CD96: variants seen among roughly 807,000 people sequenced by gnomAD.
The protein encoded by CD96 is CD96 molecule.
Under a neutral mutation model 71.3 loss-of-function variants are expected in CD96, and 70 were observed. The ratio of observed to expected loss-of-function variants is 0.98; its 90% confidence interval spans 0.81 to 1.20. The LOEUF is 1.20. Among genes scored for constraint, CD96 ranks in the 50% most tolerant of loss-of-function variants. CD96 has a pLI of 0.00. For missense variants in CD96, 742 were observed against 677.5 expected (o/e 1.10, Z -1.06); for synonymous variants, 248 against 233.0 (o/e 1.06, Z -0.59).
At chr3:111,595,066 C>T (rs1255605364) in intron 5 of CD96, 3 of 167,068 alleles carry the variant, frequency 1.8e-5, no homozygotes, top group East Asian at 3.8e-4. Flanking sequence ...ACCAGGATCA[C>T]CTGCAAAGCC....
At chr3:111,555,992 T>C (rs1935000781) in intron 2 of CD96, among the ~76,000 whole-genome samples, 1 of 152,308 alleles carries the variant, frequency 6.6e-6, no homozygotes, top group Non-Finnish European at 1.5e-5. Context: ...TAATTTATAT[T>C]GAACAATGTT....
intron 2 of CD96, among the ~76,000 whole-genome samples, chr3:111,558,817 G>T (rs1455237608): frequency 6.8e-6 from 1 of 147,048 alleles, no homozygotes; most frequent in African/African-American, 2.5e-5. Flanking sequence ...GTAGAATTCG[G>T]CTGTGAATCC....
intron 14 of CD96, among the ~76,000 whole-genome samples, chr3:111,663,752 C>CT (rs57510798): frequency 0.38 from 54,899 of 142,838 alleles, 10,988 homozygotes; most frequent in East Asian, 0.54. Context: ...TGCTTATACA[C>CT]TTTTTTTTTT....
At chr3:111,594,053 T>C (rs1937133730) in intron 5 of CD96, 1 of 1,614,018 alleles carries the variant, frequency 6.2e-7, no homozygotes. Context: ...CCGGGTGCCC[T>C]TGTTGTGGGG....
chr3:111,624,312 G>A, intron 9 of CD96, 21 bp from the exon 10 acceptor site: 1 of 1,563,722 alleles, frequency 6.4e-7, no homozygotes. Context: ...GCTGGATTCT[G>A]AAAATAATTT....
At chr3:111,655,431 A>T (rs1940205737), downstream of CD96, among the ~76,000 whole-genome samples, 4 of 152,346 alleles carry the variant, frequency 2.6e-5, no homozygotes, top group African/African-American at 9.6e-5. Flanking sequence ...ACAGTGTTAC[A>T]GATATAAAAA....
At chr3:111,556,136 C>A (rs1322902680) in intron 2 of CD96, among the ~76,000 whole-genome samples, 1 of 152,288 alleles carries the variant, frequency 6.6e-6, no homozygotes, top group Admixed American at 6.5e-5. Context: ...TATTTCTCTA[C>A]TAACATTTCC....
chr3:111,607,019 A>G (rs2107666779), intron 8 of CD96: 1 of 576,596 alleles, frequency 1.7e-6, no homozygotes, highest in East Asian at 3.0e-5. Flanking sequence ...AGACTTGTAC[A>G]ACCATGACTA....
intron 8 of CD96, among the ~76,000 whole-genome samples, chr3:111,616,464 A>G (rs1938242115): frequency 6.6e-6 from 1 of 151,936 alleles, no homozygotes; most frequent in Non-Finnish European, 1.5e-5. Context: ...GTGGTGGGAC[A>G]GGAAGAGAAG....
intron 2 of CD96, among the ~76,000 whole-genome samples, chr3:111,556,451 G>T (rs59246574): frequency 8.7e-6 from 1 of 114,974 alleles, no homozygotes; most frequent in Non-Finnish European, 1.8e-5. Context: ...GAGAATATGC[G>T]GTGTTTGGTT....
At chr3:111,599,619 G>T (rs1000782262) in intron 6 of CD96, among the ~76,000 whole-genome samples, 8 of 152,078 alleles carry the variant, frequency 5.3e-5, no homozygotes, top group African/African-American at 1.9e-4. Context: ...TACTTGGGAG[G>T]CTGAGGCAGG....
chr3:111,643,612 T>C (rs1172425883), intron 12 of CD96, among the ~76,000 whole-genome samples: 1 of 150,940 alleles, frequency 6.6e-6, no homozygotes. Flanking sequence ...CTAGAACTGA[T>C]AAAAGAATTC....
chr3:111,556,326 G>A (rs1935035475), intron 2 of CD96, among the ~76,000 whole-genome samples: 1 of 143,628 alleles, frequency 7.0e-6, no homozygotes, highest in African/African-American at 2.6e-5. Context: ...CTAGCATTAG[G>A]TATATCTCCC....
Position 111,545,286 on chromosome 3 carries a change from G to A in CD96, c.302G>A (p.Trp101Ter). The A allele has an allele frequency of 6.2e-7, 1 of 1,613,910 alleles. No homozygotes were observed. The highest frequency in any genetic ancestry group is 1.7e-5 in the Admixed American group (1 of 60,002). ...FTETPENGSK[W>*]TLHLRNMSCS... is the part of the protein sequence containing the mutation. Reference sequence around the variant, plus strand: ...GAAACTCCTGAGAATGGGTCAAAATGGACTCTGCACTTAAGGAATATGTCT... The same window carrying A: ...GAAACTCCTGAGAATGGGTCAAAATAGACTCTGCACTTAAGGAATATGTCT... The change falls in exon 2 of 14, where the codon TGG (tryptophan) becomes TAG (stop). Residue 101 changes from tryptophan (W) to a stop codon, truncating the protein, a stop_gained. Coordinates refer to ENST00000352690, the MANE Select transcript of CD96 (RefSeq NM_005816.5). LOFTEE classifies it high-confidence loss of function.
At chr3:111,583,073 G>C (rs1431895502) in intron 4 of CD96, among the ~76,000 whole-genome samples, 2 of 152,216 alleles carry the variant, frequency 1.3e-5, no homozygotes, top group Non-Finnish European at 2.9e-5. Flanking sequence ...ACGCAAGTTA[G>C]TTACTTTCTA....
intron 10 of CD96, 28 bp downstream of exon 10, chr3:111,624,432 T>C: frequency 7.9e-7 from 1 of 1,258,294 alleles, no homozygotes; most frequent in South Asian, 1.2e-5. Context: ...GTCCCTTGAG[T>C]CCTCTGGACT....
intron 8 of CD96, among the ~76,000 whole-genome samples, chr3:111,614,672 A>G (rs1308289446): frequency 1.3e-5 from 2 of 151,708 alleles, no homozygotes; most frequent in East Asian, 3.9e-4. Context: ...ACCTTTGCCT[A>G]CTCTATGGGG....
chr3:111,593,171 C>A, intron 5 of CD96: 2 of 170,098 alleles, frequency 1.2e-5, no homozygotes, highest in Admixed American at 5.7e-5. Flanking sequence ...GCTACCTAAC[C>A]AGCCTCAGCC....
At chr3:111,638,673 T>C (rs1048403400) in intron 12 of CD96, among the ~76,000 whole-genome samples, 4 of 152,194 alleles carry the variant, frequency 2.6e-5, no homozygotes, top group African/African-American at 7.2e-5. Flanking sequence ...ACCCTCCTAA[T>C]GAAGGTCATG....
Sources: allele counts gnomAD v4.1 joint callset (sites outside exome capture counted in the v4.1 genomes callset), GRCh38; gene constraint gnomAD v4.1.1; transcripts MANE v1.5; gene names NCBI Gene and HGNC (gene_info 2026-07-23, HGNC 2026-07-21).